NEK7: variants seen among roughly 807,000 people sequenced by gnomAD.
The protein encoded by NEK7 is NIMA related kinase 7.
A neutral mutation model predicts 44.6 loss-of-function variants in NEK7; 18 were observed. That is an observed-to-expected ratio of 0.40 (90% CI 0.28 to 0.60). The LOEUF (loss-of-function observed/expected upper bound fraction) is 0.60, where lower values mean the gene tolerates loss of function less well. Among genes scored for constraint, NEK7 ranks in the 20% least tolerant of loss-of-function variants. The probability of loss-of-function intolerance (pLI) is 0.38; values close to 1 mark genes in which losing one functional copy is unlikely to be tolerated. For missense variants in NEK7, 256 were observed against 366.5 expected (o/e 0.70, Z 2.46); for synonymous variants, 130 against 121.1 (o/e 1.07, Z -0.48).
intron 1 of NEK7, among the ~76,000 whole-genome samples, chr1:198,215,152 G>A (rs933129698): frequency 6.8e-6 from 1 of 148,018 alleles, no homozygotes; most frequent in Non-Finnish European, 1.5e-5. Context: ...TACTAGACCA[G>A]CCATACAAGA....
intron 1 of NEK7, among the ~76,000 whole-genome samples, chr1:198,165,193 G>T (rs935700437): frequency 1.3e-5 from 2 of 151,976 alleles, no homozygotes; most frequent in East Asian, 3.8e-4. Flanking sequence ...CGTCCATGAG[G>T]GTTGGAATCA....
chr1:198,321,021 C>G lies in NEK7; in HGVS notation c.*1499C>G, dbSNP rs891594909. On this transcript the variant is annotated 3_prime_UTR_variant, in exon 10 of 10. Transcript: ENST00000367385. ...CCAAGAGGAAGTCACTGTTAAAGGA[C>G]TCTGTGCCATCTTACAACCTTGGAT... 2.0e-5 allele frequency: 3 copies of G among 152,212 alleles called. No homozygotes were observed. Among genetic ancestry groups the G allele is most frequent in the African/African-American group, 7.2e-5 (3 of 41,454 alleles). 9.4% of individuals were successfully genotyped at this position (152,212 alleles called of 1,614,324 possible).
intron 7 of NEK7, among the ~76,000 whole-genome samples, chr1:198,282,046 A>C (rs1013639525): frequency 2.6e-5 from 4 of 152,088 alleles, no homozygotes; most frequent in Admixed American, 2.6e-4. Flanking sequence ...AAACAGAAAA[A>C]TATCCTAACA....
At chr1:198,316,606 G>T (rs1391607004) in intron 9 of NEK7, among the ~76,000 whole-genome samples, 1 of 152,086 alleles carries the variant, frequency 6.6e-6, no homozygotes, top group East Asian at 1.9e-4. Context: ...GTTTATAATA[G>T]AATTATTTCT....
intron 1 of NEK7, among the ~76,000 whole-genome samples, chr1:198,183,362 T>C (rs1664822213): frequency 6.6e-6 from 1 of 152,118 alleles, no homozygotes; most frequent in Non-Finnish European, 1.5e-5. Context: ...TTCCGTTGAA[T>C]AGATAGGGGC....
intron 2 of NEK7, among the ~76,000 whole-genome samples, chr1:198,236,398 T>G (rs1666546006): frequency 6.6e-6 from 1 of 152,180 alleles, no homozygotes; most frequent in Non-Finnish European, 1.5e-5. Context: ...AGCAGTAGCT[T>G]TTTTGAGGAA....
chr1:198,170,562 G>A lies in NEK7; in HGVS notation c.-29+13286G>A, dbSNP rs190389505. On this transcript the variant is annotated intron_variant, in intron 1 of 9. Coordinates refer to ENST00000367385, the MANE Select transcript of NEK7 (RefSeq NM_133494.3). ...GGTAGGAACCTTTTTATTCCTTAAA[G>A]GTATGACTATCTATTTGCCAATTAA... Among the ~76,000 whole-genome samples, 253 of 152,190 alleles carry A rather than the reference G, an allele frequency of 1.7e-3. 1 individual carries two copies. Among genetic ancestry groups the A allele is most frequent in the African/African-American group, 5.7e-3 (236 of 41,498 alleles).
intron 2 of NEK7, among the ~76,000 whole-genome samples, chr1:198,250,051 T>A (rs1316701170): frequency 6.8e-6 from 1 of 146,188 alleles, no homozygotes; most frequent in African/African-American, 2.6e-5. Flanking sequence ...TGAATTGATT[T>A]TTGTATAAGG....
At chr1:198,225,326 G>A (rs1207781595) in intron 1 of NEK7, among the ~76,000 whole-genome samples, 1 of 151,600 alleles carries the variant, frequency 6.6e-6, no homozygotes, top group African/African-American at 2.4e-5. Flanking sequence ...AGGGAACTTA[G>A]AATAGCTAGG....
chr1:198,218,807 T>G (rs1483801913), intron 1 of NEK7, among the ~76,000 whole-genome samples: 1 of 146,922 alleles, frequency 6.8e-6, no homozygotes, highest in Non-Finnish European at 1.5e-5. Flanking sequence ...ATGAAAAAAA[T>G]GCTCAACATC....
chr1:198,268,353 A>G (rs974652072), intron 5 of NEK7, among the ~76,000 whole-genome samples: 2 of 130,164 alleles, frequency 1.5e-5, no homozygotes, highest in Non-Finnish European at 3.2e-5. Context: ...GCCTGGCACC[A>G]GTTTATCTCG....
At position 198,253,049 on chromosome 1, in the gene NEK7, C is replaced by G. The variant is rs779021260; in HGVS notation, c.67C>G (p.Arg23Gly). ...VPQFQPQKAL[R>G]PDMGYNTLAN... is the part of the protein sequence containing the mutation. ...ACATTTTTAATTACAGAAGGCCTTACGACCGGATATGGGCTATAATACATT... is the reference window on the plus strand; with the variant it reads ...ACATTTTTAATTACAGAAGGCCTTAGGACCGGATATGGGCTATAATACATT... The change falls in exon 3 of 10, where the codon CGA becomes GGA. Residue 23 changes from arginine (R) to glycine (G), a missense_variant. Arg to Gly is a moderately radical substitution (Grantham distance 125). Coordinates refer to ENST00000367385, the MANE Select transcript of NEK7 (RefSeq NM_133494.3). 6.2e-7 allele frequency: 1 copy of G among 1,604,634 alleles called. No individual in the cohort carries two copies. The highest frequency in any genetic ancestry group is 1.3e-5 in the African/African-American group (1 of 74,318).
intron 1 of NEK7, among the ~76,000 whole-genome samples, chr1:198,178,381 CTT>C (rs767962903): frequency 2.0e-5 from 3 of 151,974 alleles, no homozygotes; most frequent in Non-Finnish European, 2.9e-5. Flanking sequence ...AGTTCATGCT[CTT>C]GAGTTACTAT....
intron 1 of NEK7, chr1:198,198,201 TC>T: frequency 1.4e-6 from 1 of 719,978 alleles, no homozygotes; most frequent in Non-Finnish European, 2.6e-6. Context: ...AGGTGTGTCC[TC>T]CAGCCTTTCC....
chr1:198,235,672 T>A (rs1462459502), intron 2 of NEK7, among the ~76,000 whole-genome samples: 1 of 152,194 alleles, frequency 6.6e-6, no homozygotes, highest in Non-Finnish European at 1.5e-5. Flanking sequence ...TGAAGATGGC[T>A]ATGGTAGAGT....
rs561098618 is a variant in NEK7, at chr1:198,287,338, G to C, written c.590-5607G>C. On this transcript the variant is annotated intron_variant, in intron 7 of 9. Transcript: ENST00000367385. ...CTACTAAAAATACAAAAAAATAGCT[G>C]AGTGTGGATCACGCCACTGCACTCC... is the stretch of plus-strand genomic sequence containing the variant. 2.6e-5 allele frequency among the ~76,000 whole-genome samples: 4 copies of C among 152,060 alleles called. No homozygotes were observed. In the East Asian group the frequency reaches 7.8e-4, roughly 30 times the overall value.
At chr1:198,301,998 T>A (rs1433275512) in intron 9 of NEK7, among the ~76,000 whole-genome samples, 1 of 152,226 alleles carries the variant, frequency 6.6e-6, no homozygotes, top group Non-Finnish European at 1.5e-5. Flanking sequence ...TGATTAACGC[T>A]TTTTTAGGTG....
At chr1:198,216,060 C>T (rs973261807) in intron 1 of NEK7, among the ~76,000 whole-genome samples, 6 of 152,006 alleles carry the variant, frequency 3.9e-5, no homozygotes, top group Admixed American at 6.6e-5. Context: ...AATGAACCTG[C>T]ACCGTAAACA....
intron 9 of NEK7, among the ~76,000 whole-genome samples, chr1:198,301,400 A>G (rs1176318838): frequency 1.3e-5 from 2 of 151,784 alleles, no homozygotes; most frequent in East Asian, 1.9e-4. Context: ...AATGCAACAA[A>G]TTAGCCGGGC....
Sources: gnomAD v4.1 joint callset for allele counts (sites outside exome capture counted in the v4.1 genomes callset) on GRCh38, gnomAD v4.1.1 for gene constraint, MANE v1.5 for transcripts, NCBI Gene and HGNC (gene_info 2026-07-23, HGNC 2026-07-21) for gene names.